The following ZNF526 variants were observed in gnomAD, a reference collection of about 807,000 sequenced individuals.
The protein encoded by ZNF526 is zinc finger protein 526.
Under a neutral mutation model 32.4 loss-of-function variants are expected in ZNF526, and 16 were observed. That is an observed-to-expected ratio of 0.49 (90% CI 0.33 to 0.75). ZNF526 has a LOEUF of 0.75. Ranked by LOEUF, ZNF526 falls within the 30% of genes least tolerant of loss-of-function variation. ZNF526 has a pLI of 0.02. For synonymous variants in ZNF526, 355 were observed against 363.4 expected, an observed-to-expected ratio of 0.98 and a Z score of 0.26; for missense variants, 838 against 920.7, an observed-to-expected ratio of 0.91 and a Z score of 1.16.
Position 42,225,428 on chromosome 19 carries a change from A to G in ZNF526, c.1025A>G (p.Lys342Arg). The change falls in exon 3 of 3, where the codon AAG becomes AGG. Residue 342 changes from lysine (K) to arginine (R), a missense_variant. Lys to Arg is a conservative substitution (Grantham distance 26, BLOSUM62 2). Transcript: ENST00000301215. The part of the protein sequence containing the change: ...HECTTCSKVF[K>R]KAASLEQHLR... ...TGTACAACCTGCTCCAAGGTCTTCA[A>G]GAAAGCAGCATCGCTTGAGCAGCAC... The G allele has an allele frequency of 7.4e-6, 12 of 1,614,136 alleles. No individual in the cohort carries two copies. Among genetic ancestry groups the G allele is most frequent in the Non-Finnish European group, 1.0e-5 (12 of 1,180,038 alleles).
At position 42,226,669 on chromosome 19, in the gene ZNF526, G is replaced by C. The variant is rs2036184813; in HGVS notation, c.*253G>C. 1.6e-6 allele frequency: 1 copy of C among 606,222 alleles called. No individual in the cohort carries two copies. The highest frequency in any genetic ancestry group is 1.8e-5 in the African/African-American group (1 of 54,192). The allele number at this position is 606,222 out of a possible 1,614,324, so 37.6% of individuals were successfully genotyped here. A position where few individuals can be genotyped will look rare whatever the true frequency, so the allele number is the denominator to read the frequency against. ...CCAGGTCACCCAGCTATGCTGCAAA[G>C]TGGGTTGGCCAAGGCCCTTTGCACT... On this transcript the variant is annotated 3_prime_UTR_variant, in exon 3 of 3. Transcript: ENST00000301215.
chr19:42,225,613 T>C lies in ZNF526; in HGVS notation c.1210T>C (p.Tyr404His). Reference sequence around the variant, plus strand: ...GTTCAGCAACATGACCAAGTTCCTCTACCACCGGCGCACTCACGCCGGCAA... The same window carrying C: ...GTTCAGCAACATGACCAAGTTCCTCCACCACCGGCGCACTCACGCCGGCAA... ...KTFSNMTKFL[Y>H]HRRTHAGKSG... Residue 404 changes from tyrosine to histidine, a missense_variant, in exon 3 of 3, where the codon TAC becomes CAC. Tyr to His is a moderately conservative substitution (Grantham distance 83). Coordinates refer to ENST00000301215, the MANE Select transcript of ZNF526 (RefSeq NM_133444.3). 2 of 1,610,676 alleles carry C rather than the reference T, an allele frequency of 1.2e-6. No homozygotes were observed. The highest frequency in any genetic ancestry group is 1.7e-6 in the Non-Finnish European group (2 of 1,177,516).
Position 42,225,803 on chromosome 19 carries a change from C to G in ZNF526, c.1400C>G (p.Pro467Arg). 6.2e-7 allele frequency: 1 copy of G among 1,613,886 alleles called. No individual in the cohort carries two copies. Among genetic ancestry groups the G allele is most frequent in the Non-Finnish European group, 8.5e-7 (1 of 1,180,014 alleles). ...LSRHRRAVHG[P>R]PERRHRCGVC... is the part of the protein sequence containing the mutation. Reference sequence around the variant, plus strand: ...CGGCACCGGCGTGCAGTACACGGGCCCCCTGAACGGCGTCACCGCTGTGGG... The same window carrying G: ...CGGCACCGGCGTGCAGTACACGGGCGCCCTGAACGGCGTCACCGCTGTGGG... The change falls in exon 3 of 3, where the codon CCC becomes CGC. Residue 467 changes from proline to arginine, a missense_variant. Physicochemically the swap from Pro to Arg is moderately radical, Grantham distance 103. Transcript: ENST00000301215.
chr19:42,224,749 C>T lies in ZNF526; in HGVS notation c.346C>T (p.Leu116Phe). ...GPFQCGECSQ[L>F]ILSPGELLAH... Reference sequence around the variant, plus strand: ...CTTCCAGTGTGGTGAATGCAGCCAGCTCATCCTCTCCCCTGGGGAGCTCCT... The same window carrying T: ...CTTCCAGTGTGGTGAATGCAGCCAGTTCATCCTCTCCCCTGGGGAGCTCCT... The change falls in exon 3 of 3, where the codon CTC (leucine) becomes TTC (phenylalanine). Residue 116 changes from leucine to phenylalanine, a missense_variant. Physicochemically the swap from Leu to Phe is conservative, Grantham distance 22 (BLOSUM62 0). Coordinates refer to ENST00000301215, the MANE Select transcript of ZNF526 (RefSeq NM_133444.3). 1 of 1,614,108 alleles carries T rather than the reference C, an allele frequency of 6.2e-7. No individual in the cohort carries two copies.
rs2036184017 is a variant in ZNF526 at position 42,226,561 on chromosome 19, C to T, written c.*145C>T. 2.0e-6 allele frequency: 2 copies of T among 1,008,802 alleles called. No individual in the cohort carries two copies. Among genetic ancestry groups the T allele is most frequent in the Non-Finnish European group, 3.1e-6 (2 of 651,050 alleles). The allele number at this position is 1,008,802 out of a possible 1,614,324, so 62.5% of individuals were successfully genotyped here. On this transcript the variant is annotated 3_prime_UTR_variant, in exon 3 of 3. Coordinates refer to ENST00000301215, the MANE Select transcript of ZNF526 (RefSeq NM_133444.3). ...TGGCCTCTTTTTACCCACTGACTCC[C>T]CAGAACAACCCTTCCAGGCTTCTCT...
intron 1 of ZNF526, among the ~76,000 whole-genome samples, chr19:42,222,990 C>T (rs1182355809): frequency 6.6e-6 from 1 of 152,132 alleles, no homozygotes; most frequent in East Asian, 1.9e-4. Context: ...TACTTTTAGC[C>T]CCATTTTACA....
Position 42,226,690 on chromosome 19 carries a change from G to C in ZNF526, c.*274G>C, listed in dbSNP as rs779612332. ...CAAAGTGGGTTGGCCAAGGCCCTTT[G>C]CACTGCATCACCCTGGTGCCCAGCA... On this transcript the variant is annotated 3_prime_UTR_variant, in exon 3 of 3. Coordinates refer to ENST00000301215, the MANE Select transcript of ZNF526 (RefSeq NM_133444.3). 144 of 556,826 alleles carry C rather than the reference G, an allele frequency of 2.6e-4. No homozygotes were observed. The highest frequency in any genetic ancestry group is 4.6e-4 in the Non-Finnish European group (137 of 298,674). The allele number at this position is 556,826 out of a possible 1,614,324, so 34.5% of individuals were successfully genotyped here.
In ZNF526 at chr19:42,224,753, T is replaced by G. The variant is rs757522977; in HGVS notation, c.350T>G (p.Ile117Ser). ...PFQCGECSQL[I>S]LSPGELLAHQ... ...CAGTGTGGTGAATGCAGCCAGCTCA[T>G]CCTCTCCCCTGGGGAGCTCCTGGCC... The change falls in exon 3 of 3, where the codon ATC becomes AGC. Residue 117 changes from isoleucine (I) to serine (S), a missense_variant. Transcript: ENST00000301215. The G allele has an allele frequency of 9.3e-6, 15 of 1,613,904 alleles. No homozygotes were observed. Among genetic ancestry groups the G allele is most frequent in the East Asian group, 6.7e-5 (3 of 44,884 alleles).
chr19:42,223,310 C>T (rs1442359043), intron 1 of ZNF526, among the ~76,000 whole-genome samples: 3 of 151,874 alleles, frequency 2.0e-5, no homozygotes, highest in Non-Finnish European at 4.4e-5. Context: ...AGATCGAGAC[C>T]ATCTTGGCCA....
chr19:42,225,351 C>T lies in ZNF526; in HGVS notation c.948C>T (p.Ser316=), dbSNP rs200986531. 45 of 1,613,820 alleles carry T rather than the reference C, an allele frequency of 2.8e-5. No homozygotes were observed. Among genetic ancestry groups the T allele is most frequent in the Middle Eastern group, 1.6e-4 (1 of 6,082 alleles). ...GCCAGTGTCAGCGCAGTTTCAGCTC[C>T]GCCAACCGGCTGCAGGCTCATGGGC... The part of the protein sequence containing the change: ...HCSQCQRSFS[S]ANRLQAHGRA... The change falls in exon 3 of 3, where the codon TCC becomes TCT. Residue 316 remains serine (S), a synonymous_variant. Coordinates refer to ENST00000301215, the MANE Select transcript of ZNF526 (RefSeq NM_133444.3).
At chr19:42,221,990 T>G (rs769978107) in intron 1 of ZNF526, among the ~76,000 whole-genome samples, 2 of 152,072 alleles carry the variant, frequency 1.3e-5, no homozygotes, top group South Asian at 4.1e-4. Flanking sequence ...TCACTAAATA[T>G]GTACTGTGTG....
chr19:42,226,540 C>A lies in ZNF526; in HGVS notation c.*124C>A. 7.5e-7 allele frequency: 1 copy of A among 1,329,208 alleles called. No homozygotes were observed. The highest frequency in any genetic ancestry group is 1.1e-6 in the Non-Finnish European group (1 of 934,246). 82.3% of individuals were successfully genotyped at this position (1,329,208 alleles called of 1,614,324 possible). On this transcript the variant is annotated 3_prime_UTR_variant, in exon 3 of 3. Transcript: ENST00000301215. ...ACCATGTGCCAGGATCCACCCTGGC[C>A]TCTTTTTACCCACTGACTCCCCAGA...
In ZNF526 at chr19:42,226,409, T is replaced by C; in HGVS notation, c.2006T>C (p.Phe669Ser). 1.9e-6 allele frequency: 3 copies of C among 1,614,200 alleles called. No individual in the cohort carries two copies. The highest frequency in any genetic ancestry group is 2.5e-6 in the Non-Finnish European group (3 of 1,180,046). Reference sequence around the variant, plus strand: ...GGGCTCTTGCAGTTGGACACGGCCTTCGTGTGACGCAGCTGAAAAGCAACA... The same window carrying C: ...GGGCTCTTGCAGTTGGACACGGCCTCCGTGTGACGCAGCTGAAAAGCAACA... ...AGGLLQLDTA[F>S]V The change falls in exon 3 of 3, where the codon TTC becomes TCC. Residue 669 changes from phenylalanine to serine, a missense_variant. By Grantham distance (155) the Phe-to-Ser change is radical. Coordinates refer to ENST00000301215, the MANE Select transcript of ZNF526 (RefSeq NM_133444.3).
rs1180989624 is a variant in ZNF526 at position 42,221,017 on chromosome 19, G to A, written c.-109+630G>A. On this transcript the variant is annotated intron_variant, in intron 1 of 2. Transcript: ENST00000301215. Reference sequence around the variant, plus strand: ...CAGGGGCCTGGCAACTCAAAAATTAGGAAGGGGATTGGAATAGTAGATAAG... The same window carrying A: ...CAGGGGCCTGGCAACTCAAAAATTAAGAAGGGGATTGGAATAGTAGATAAG... Among the ~76,000 whole-genome samples, 8 of 152,174 alleles carry A rather than the reference G, an allele frequency of 5.3e-5. No homozygotes were observed. In the South Asian group the frequency reaches 1.7e-3, roughly 31 times the overall value.
In ZNF526 at chr19:42,221,550, T is replaced by C. The variant is rs192532115; in HGVS notation, c.-109+1163T>C. On this transcript the variant is annotated intron_variant, in intron 1 of 2. Transcript: ENST00000301215. The stretch of plus-strand genomic sequence containing the variant: ...CAGGTGACCGAGGCGGGAGAATCGC[T>C]TGGACCCAAGAGGCGGAGGTTGCAG... Among the ~76,000 whole-genome samples, 4 of 152,020 alleles carry C rather than the reference T, an allele frequency of 2.6e-5. 1 individual carries two copies. Among genetic ancestry groups the C allele is most frequent in the Admixed American group, 2.6e-4 (4 of 15,264 alleles).
rs2036150800 is a variant in ZNF526 at position 42,224,304 on chromosome 19, T to G, written c.-19T>G. 1.0e-6 allele frequency: 1 copy of G among 978,270 alleles called. No individual in the cohort carries two copies. 60.6% of individuals were successfully genotyped at this position (978,270 alleles called of 1,614,324 possible). On this transcript the variant is annotated splice_region_variant and 5_prime_UTR_variant, in exon 2 of 3. Transcript: ENST00000301215. ...GGATTAAGACTTCCTGAGCGATAGC[T>G]GGTGAGTAGTGGGATGTGCAAGAGA...
Position 42,224,263 on chromosome 19 carries a change from C to T in ZNF526, c.-60C>T. On this transcript the variant is annotated 5_prime_UTR_variant, in exon 2 of 3. Transcript: ENST00000301215. ...TTCAGAGACATGGGATCACGGAAGA[C>T]TGAAGCAGAAACAGTGGATTAAGAC... The T allele has an allele frequency of 1.3e-6, 1 of 752,826 alleles. No homozygotes were observed. The highest frequency in any genetic ancestry group is 2.3e-6 in the Non-Finnish European group (1 of 435,680). The allele number at this position is 752,826 out of a possible 1,614,324, so 46.6% of individuals were successfully genotyped here. A position where few individuals can be genotyped will look rare whatever the true frequency, so the allele number is the denominator to read the frequency against.
chr19:42,226,965 C>G lies in ZNF526; in HGVS notation c.*549C>G, dbSNP rs1183445591. ...CTCCAGACTGGGTGATGCTGGAGAC[C>G]CAGGAGCAAGTCAGCACAGGCTCTG... On this transcript the variant is annotated 3_prime_UTR_variant, in exon 3 of 3. Transcript: ENST00000301215. The G allele has an allele frequency of 1.8e-5, 4 of 217,106 alleles. No homozygotes were observed. Among genetic ancestry groups the G allele is most frequent in the African/African-American group, 6.9e-5 (3 of 43,198 alleles). 13.4% of individuals were successfully genotyped at this position (217,106 alleles called of 1,614,324 possible).
In ZNF526 at chr19:42,226,060, C is replaced by G. The variant is rs763144950; in HGVS notation, c.1657C>G (p.Pro553Ala). The change falls in exon 3 of 3, where the codon CCA (proline) becomes GCA (alanine). Residue 553 changes from proline to alanine, a missense_variant. Transcript: ENST00000301215. ...GCAGCACCGGCGGTTGCACTTGCGG[C>G]CAGTCGCCTTTGCCCGCGCCCCCCG... is the stretch of plus-strand genomic sequence containing the variant. ...LQQHRRLHLR[P>A]VAFARAPRLP... 4 of 1,609,776 alleles carry G rather than the reference C, an allele frequency of 2.5e-6. No homozygotes were observed. The African/African-American group carries it at 5.3e-5, about 21-fold the overall frequency.
Sources: allele counts gnomAD v4.1 joint callset (sites outside exome capture counted in the v4.1 genomes callset), GRCh38; gene constraint gnomAD v4.1.1; transcripts MANE v1.5; gene names NCBI Gene and HGNC (gene_info 2026-07-23, HGNC 2026-07-21).